Variants in TYW1 observed in about 807,000 individuals in gnomAD.
The protein encoded by TYW1 is S-adenosyl-L-methionine-dependent tRNA 4-demethylwyosine synthase TYW1.
Under a neutral mutation model 96.2 loss-of-function variants are expected in TYW1, and 46 were observed. The observed-to-expected ratio is 0.48, with a 90% CI of 0.38 to 0.61. TYW1 has a LOEUF of 0.61. TYW1 is among the 20% of genes least tolerant of loss of function. The probability of loss-of-function intolerance (pLI) is 0.00; values close to 1 mark genes in which losing one functional copy is unlikely to be tolerated. For synonymous variants in TYW1, 274 were observed against 323.0 expected (o/e 0.85, Z 1.63); for missense variants, 684 against 909.6 (o/e 0.75, Z 3.19).
chr7:67,051,730 T>G (rs1422915114), intron 8 of TYW1, among the ~76,000 whole-genome samples: 14 of 134,576 alleles, frequency 1.0e-4, no homozygotes, highest in Admixed American at 4.0e-4. Flanking sequence ...TTTTGTTTTT[T>G]TGTTTTTTTT....
chr7:67,147,222 C>T (rs966111540), intron 13 of TYW1, among the ~76,000 whole-genome samples: 5 of 152,032 alleles, frequency 3.3e-5, no homozygotes, highest in African/African-American at 7.2e-5. Context: ...GACTACCTAG[C>T]GTTTACATTG....
chr7:67,047,351 C>T (rs369517576), intron 7 of TYW1, among the ~76,000 whole-genome samples: 3 of 152,098 alleles, frequency 2.0e-5, no homozygotes, highest in Non-Finnish European at 4.4e-5. Context: ...GGCAACATAG[C>T]GAGACTTCAT....
intron 3 of TYW1, among the ~76,000 whole-genome samples, chr7:67,006,856 G>A (rs1212641271): frequency 6.6e-6 from 1 of 150,962 alleles, no homozygotes; most frequent in Admixed American, 6.6e-5. Flanking sequence ...CATCCACTTG[G>A]CTTCTGGTGA....
intron 9 of TYW1, among the ~76,000 whole-genome samples, chr7:67,058,367 C>T (rs938066941): frequency 1.3e-5 from 2 of 152,202 alleles, no homozygotes; most frequent in Admixed American, 6.6e-5. Context: ...ACTTCAATGT[C>T]TGTATTCCTA....
Position 67,166,463 on chromosome 7 carries a change from T to C in TYW1, c.1699-16663T>C, listed in dbSNP as rs998995628. Among the ~76,000 whole-genome samples, 3 of 151,228 alleles carry C rather than the reference T, an allele frequency of 2.0e-5. No homozygotes were observed. The Admixed American group carries it at 2.0e-4, about 10-fold the overall frequency. On this transcript the variant is annotated intron_variant, in intron 13 of 15. Transcript: ENST00000359626. The stretch of plus-strand genomic sequence containing the variant: ...AACTGCTGGATGAATTATTACAAAA[T>C]GAACACAGCCAGCAAATAGCTCAAG...
chr7:67,029,566 G>A (rs1794605435), intron 7 of TYW1, among the ~76,000 whole-genome samples: 1 of 151,796 alleles, frequency 6.6e-6, no homozygotes, highest in Non-Finnish European at 1.5e-5. Flanking sequence ...GACTGGACAG[G>A]TTTAGGGCAG....
At chr7:67,125,753 A>G (rs1484230284) in intron 13 of TYW1, among the ~76,000 whole-genome samples, 1 of 152,124 alleles carries the variant, frequency 6.6e-6, no homozygotes, top group African/African-American at 2.4e-5. Flanking sequence ...CCTGGCAACC[A>G]TGGATGGATC....
chr7:67,194,602 C>T (rs3980785), intron 14 of TYW1, among the ~76,000 whole-genome samples: 7 of 151,250 alleles, frequency 4.6e-5, no homozygotes, highest in Admixed American at 1.3e-4. Context: ...CCAGCCTAGG[C>T]GACAGAGCAA....
In TYW1 at chr7:67,147,755, C is replaced by G. The variant is rs1197646991; in HGVS notation, c.1698+30137C>G. ...ACCATGTCCCTGCAAAGGACATGAT[C>G]TTGTTCTTTTTTACGTCTGCAAGGT... On this transcript the variant is annotated intron_variant, in intron 13 of 15. Transcript: ENST00000359626. Among the ~76,000 whole-genome samples, 4 of 152,210 alleles carry G rather than the reference C, an allele frequency of 2.6e-5. No homozygotes were observed. In the South Asian group the frequency reaches 6.2e-4, roughly 24 times the overall value.
intron 12 of TYW1, among the ~76,000 whole-genome samples, chr7:67,104,745 G>A (rs899397558): frequency 6.6e-6 from 1 of 152,232 alleles, no homozygotes; most frequent in Non-Finnish European, 1.5e-5. Context: ...TGTCAAAACA[G>A]AGGTTAATAA....
intron 13 of TYW1, among the ~76,000 whole-genome samples, chr7:67,118,649 C>T (rs1418981114): frequency 2.0e-5 from 3 of 151,826 alleles, no homozygotes; most frequent in African/African-American, 4.8e-5. Flanking sequence ...AATCCCAGCA[C>T]TTTGAGAGGC....
intron 13 of TYW1, among the ~76,000 whole-genome samples, chr7:67,182,059 C>T (rs1799859038): frequency 6.6e-6 from 1 of 152,134 alleles, no homozygotes; most frequent in Non-Finnish European, 1.5e-5. Flanking sequence ...AAACTCCTTA[C>T]CTCAGGTGAT....
At chr7:67,131,542 T>A (rs34450608) in intron 13 of TYW1, among the ~76,000 whole-genome samples, 11 of 152,008 alleles carry the variant, frequency 7.2e-5, no homozygotes, top group Admixed American at 7.2e-4. Context: ...CGTTCCATAT[T>A]GTCTTCAGTA....
intron 11 of TYW1, among the ~76,000 whole-genome samples, chr7:67,084,001 C>T (rs1796462208): frequency 6.6e-6 from 1 of 152,186 alleles, no homozygotes; most frequent in Non-Finnish European, 1.5e-5. Context: ...CTCCACTCCA[C>T]TCCAACCTGG....
intron 13 of TYW1, among the ~76,000 whole-genome samples, chr7:67,132,043 C>T (rs575506859): frequency 3.3e-5 from 5 of 152,196 alleles, no homozygotes; most frequent in Admixed American, 2.6e-4. Context: ...ATGTTAATCT[C>T]CTTTGGCAAC....
chr7:67,167,672 C>T (rs1284897781), intron 13 of TYW1, among the ~76,000 whole-genome samples: 1 of 151,540 alleles, frequency 6.6e-6, no homozygotes, highest in Non-Finnish European at 1.5e-5. Flanking sequence ...CAATCCTTTC[C>T]TGCCCTGTTC....
At chr7:67,065,826 T>C (rs1027469881) in intron 9 of TYW1, among the ~76,000 whole-genome samples, 3 of 152,024 alleles carry the variant, frequency 2.0e-5, no homozygotes, top group African/African-American at 4.8e-5. Context: ...GCCTGACCAA[T>C]ATGGTAAAAC....
At chr7:67,225,803 A>G (rs957448233) in intron 15 of TYW1, among the ~76,000 whole-genome samples, 1 of 145,820 alleles carries the variant, frequency 6.9e-6, no homozygotes, top group Non-Finnish European at 1.5e-5. Context: ...GCACTTGGCT[A>G]TGTCAAGAAT....
chr7:67,156,800 TGTGA>T (rs1409896821), intron 13 of TYW1, among the ~76,000 whole-genome samples: 5 of 151,666 alleles, frequency 3.3e-5, no homozygotes, highest in Admixed American at 2.0e-4. Context: ...GGGCTCCTGG[TGTGA>T]GTGGGACCCA....
Sources: gnomAD v4.1 joint callset for allele counts (sites outside exome capture counted in the v4.1 genomes callset) on GRCh38, gnomAD v4.1.1 for gene constraint, MANE v1.5 for transcripts, NCBI Gene and HGNC (gene_info 2026-07-23, HGNC 2026-07-21) for gene names.